PPL: variants seen among roughly 807,000 people sequenced by gnomAD.
PPL encodes periplakin.
PPL carries 198 observed loss-of-function variants against 194.4 expected under a neutral mutation model. The ratio of observed to expected loss-of-function variants is 1.02; its 90% CI spans 0.91 to 1.15. The LOEUF is 1.15. Among genes scored for constraint, PPL ranks in the 50% most tolerant of loss-of-function variants. PPL has a pLI of 0.00. For synonymous variants in PPL, 1,220 were observed against 972.4 expected (o/e 1.25, Z -4.74); for missense variants, 2,885 against 2,294.8 (o/e 1.26, Z -5.25).
intron 1 of PPL, among the ~76,000 whole-genome samples, chr16:4,929,741 C>T (rs113086327): frequency 3.6e-4 from 55 of 152,260 alleles, no homozygotes; most frequent in Non-Finnish European, 7.8e-4. Context: ...GGCTGGAGTG[C>T]AGTGGCACAA....
chr16:4,931,227 T>C (rs775657775), intron 1 of PPL, among the ~76,000 whole-genome samples: 2 of 152,026 alleles, frequency 1.3e-5, no homozygotes, highest in Non-Finnish European at 2.9e-5. Context: ...CGGGGCACGG[T>C]GGTGTGCACA....
intron 14 of PPL, 58 bp downstream of exon 14, chr16:4,893,155 C>G (rs542934531): frequency 2.1e-6 from 3 of 1,447,524 alleles, no homozygotes; most frequent in Non-Finnish European, 2.7e-6. Context: ...AAATAGGGGC[C>G]CCAGGGGGCC....
rs532276330 is a variant in PPL at position 4,926,157 on chromosome 16, C to T, written c.62+10827G>A. On this transcript the variant is annotated intron_variant, in intron 1 of 21. Transcript: ENST00000345988. ...ATCCTTATAACAACTAGTTGAGGTA[C>T]GTGCTATCATAGCTCCATTGCAGAT... Among the ~76,000 whole-genome samples, 41 of 152,288 alleles carry T rather than the reference C, an allele frequency of 2.7e-4. No homozygotes were observed. The South Asian group carries it at 6.6e-3, about 25-fold the overall frequency.
intron 3 of PPL, among the ~76,000 whole-genome samples, chr16:4,903,630 G>C (rs1055843346): frequency 7.2e-5 from 11 of 151,836 alleles, no homozygotes; most frequent in African/African-American, 2.7e-4. Flanking sequence ...TGAGGCATGA[G>C]AATAGCTTGA....
chr16:4,899,462 G>GGCACAGCTATGGCTGGCCTGAGGACAA, intron 6 of PPL, 78 bp from the exon 7 acceptor site: 2 of 706,564 alleles, frequency 2.8e-6, no homozygotes, highest in Non-Finnish European at 3.6e-6. Flanking sequence ...CCTCCTGCAG[G>GGCACAGCTATGGCTGGCCTGAGGACAA]GCCCAGCTAT....
At chr16:4,927,850 C>A (rs183752528) in intron 1 of PPL, among the ~76,000 whole-genome samples, 1 of 152,228 alleles carries the variant, frequency 6.6e-6, no homozygotes, top group African/African-American at 2.4e-5. Flanking sequence ...GCTCCTTTTA[C>A]AAACATACAG....
intron 6 of PPL, 120 bp downstream of exon 6, chr16:4,900,710 G>A (rs528643545): frequency 1.4e-5 from 20 of 1,395,962 alleles, no homozygotes; most frequent in Middle Eastern, 2.4e-4. Context: ...AGTGCTAGGC[G>A]TGAGCCACCA....
intron 1 of PPL, among the ~76,000 whole-genome samples, chr16:4,934,957 T>C (rs1268165407): frequency 2.0e-5 from 3 of 152,160 alleles, no homozygotes; most frequent in African/African-American, 7.2e-5. Context: ...GCTGTGCTCA[T>C]TCTGTGCTGG....
intron 2 of PPL, among the ~76,000 whole-genome samples, chr16:4,906,897 A>C (rs1362728161): frequency 6.6e-6 from 1 of 152,184 alleles, no homozygotes; most frequent in Non-Finnish European, 1.5e-5. Context: ...AAGTCTGCGA[A>C]TGTAGACACT....
Position 4,886,043 on chromosome 16 carries a change from G to C in PPL, c.2612C>G (p.Pro871Arg), listed in dbSNP as rs371459142. ...GGTCTCATGGGTCACTTCTACTTCC[G>C]GCTGCTGTGATGGAGAAGACAAGAC... Reference protein sequence around the residue: ...EFALNLLRQQPEVEVTHETLQ... With the variant: ...EFALNLLRQQREVEVTHETLQ... The change falls in exon 22 of 22, where the codon CCG becomes CGG. Residue 871 changes from proline (P) to arginine (R), a missense_variant. By Grantham distance (103) the Pro-to-Arg change is moderately radical. Transcript: ENST00000345988. 1.2e-6 allele frequency: 2 copies of C among 1,613,866 alleles called. No individual in the cohort carries two copies. The highest frequency in any genetic ancestry group is 2.2e-5 in the South Asian group (2 of 91,074).
chr16:4,884,053 G>T lies in PPL; in HGVS notation c.4602C>A (p.Asp1534Glu). Residue 1534 changes from aspartate (D) to glutamate (E), a missense_variant, in exon 22 of 22, where the codon GAC (aspartate) becomes GAA (glutamate). Physicochemically the swap from Asp to Glu is conservative, Grantham distance 45 (BLOSUM62 2). Coordinates refer to ENST00000345988, the MANE Select transcript of PPL (RefSeq NM_002705.5). This position sits in a 1 kb window ranked among gnomAD's most constrained non-coding sequence, Gnocchi z 5.7. Reference protein sequence around the residue: ...EEESRSKRELDVEVSRLEARL... With the variant: ...EEESRSKRELEVEVSRLEARL... Reference sequence around the variant, plus strand: ...TGGCTTCCAGCCGGCTCACCTCGACGTCCAGCTCGCGCTTGCTGCGGCTCT... The same window carrying T: ...TGGCTTCCAGCCGGCTCACCTCGACTTCCAGCTCGCGCTTGCTGCGGCTCT... 1 of 1,613,344 alleles carries T rather than the reference G, an allele frequency of 6.2e-7. No individual in the cohort carries two copies. Among genetic ancestry groups the T allele is most frequent in the Non-Finnish European group, 8.5e-7 (1 of 1,180,010 alleles).
At chr16:4,906,886 G>A (rs961803913) in intron 2 of PPL, among the ~76,000 whole-genome samples, 3 of 152,178 alleles carry the variant, frequency 2.0e-5, no homozygotes, top group Admixed American at 1.3e-4. Context: ...TCACCCAGGT[G>A]AAGTCTGCGA....
intron 16 of PPL, among the ~76,000 whole-genome samples, chr16:4,891,221 T>C (rs945615355): frequency 6.6e-6 from 1 of 152,006 alleles, no homozygotes; most frequent in African/African-American, 2.4e-5. Flanking sequence ...AAGCAAGTCG[T>C]GAGATGGGAG....
At chr16:4,900,303 G>A (rs1293389063) in intron 6 of PPL, among the ~76,000 whole-genome samples, 2 of 152,144 alleles carry the variant, frequency 1.3e-5, no homozygotes, top group Non-Finnish European at 2.9e-5. Context: ...GAGCAGGACA[G>A]GCTGTACCCC....
chr16:4,912,844 C>G (rs2088845025), intron 1 of PPL, among the ~76,000 whole-genome samples: 2 of 152,222 alleles, frequency 1.3e-5, no homozygotes, highest in Admixed American at 1.3e-4. Context: ...TGGCTCATAC[C>G]TGTAATCCCA....
chr16:4,884,214 C>T lies in PPL; in HGVS notation c.4441G>A (p.Glu1481Lys), dbSNP rs148764760. The part of the protein sequence containing the change: ...HRRQLLEGEL[E>K]TLRRKLAALE... ...GCAGCCAGTTTCCTCCGGAGGGTCT[C>T]GAGCTCCCCCTCCAGGAGCTGCCGC... Residue 1481 changes from glutamate (E) to lysine (K), a missense_variant, in exon 22 of 22, where the codon GAG becomes AAG. Physicochemically the swap from Glu to Lys is moderately conservative, Grantham distance 56. Transcript: ENST00000345988. The surrounding 1 kb of genome is among the most constrained non-coding windows in gnomAD (Gnocchi z 5.7). 27 of 1,613,710 alleles carry T rather than the reference C, an allele frequency of 1.7e-5. No homozygotes were observed. The highest frequency in any genetic ancestry group is 5.0e-5 in the Admixed American group (3 of 59,962).
chr16:4,899,413 G>T, intron 6 of PPL, 29 bp from the exon 7 acceptor site: 3 of 1,568,264 alleles, frequency 1.9e-6, no homozygotes, highest in Non-Finnish European at 8.6e-7. Flanking sequence ...GGAAAGGGCT[G>T]CGTCCTCAGC....
chr16:4,909,703 G>A (rs931351604), intron 2 of PPL, among the ~76,000 whole-genome samples: 3 of 151,960 alleles, frequency 2.0e-5, no homozygotes, highest in South Asian at 2.1e-4. Context: ...CTGGGATTAC[G>A]GCCGTGTGAG....
At chr16:4,893,984 C>G (rs890703171) in intron 12 of PPL, among the ~76,000 whole-genome samples, 2 of 152,168 alleles carry the variant, frequency 1.3e-5, no homozygotes, top group Non-Finnish European at 2.9e-5. Flanking sequence ...GCAAGGAGTT[C>G]CTGGGCACCT....
Sources: allele counts gnomAD v4.1 joint callset (sites outside exome capture counted in the v4.1 genomes callset), GRCh38; gene constraint gnomAD v4.1.1; non-coding constraint Gnocchi (gnomAD v3.1); transcripts MANE v1.5; gene names NCBI Gene and HGNC (gene_info 2026-07-23, HGNC 2026-07-21).